TPX2: variants seen among roughly 807,000 people sequenced by gnomAD.
TPX2 encodes the protein TPX2 microtubule nucleation factor.
TPX2 carries 21 observed loss-of-function variants against 93.6 expected under a neutral mutation model. The ratio of observed to expected loss-of-function variants is 0.22; its 90% CI spans 0.16 to 0.32. The LOEUF (loss-of-function observed/expected upper bound fraction) is 0.32. TPX2 is among the 10% of genes least tolerant of loss of function. The pLI is 1.00. For synonymous variants in TPX2, 281 were observed against 298.3 expected (o/e 0.94, Z 0.60); for missense variants, 776 against 871.1 (o/e 0.89, Z 1.37).
intron 10 of TPX2, among the ~76,000 whole-genome samples, chr20:31,779,328 A>G (rs2062019912): frequency 6.6e-6 from 1 of 152,204 alleles, no homozygotes; most frequent in South Asian, 2.1e-4. Context: ...CATTTCATTC[A>G]TTCAAGGCTA....
At chr20:31,744,274 T>G (rs948319468) in intron 2 of TPX2, among the ~76,000 whole-genome samples, 3 of 148,350 alleles carry the variant, frequency 2.0e-5, no homozygotes, top group African/African-American at 7.6e-5. Context: ...GCAATTCTCC[T>G]GCCTCAGCCT....
At chr20:31,743,927 G>A (rs1302437688) in intron 2 of TPX2, among the ~76,000 whole-genome samples, 1 of 151,458 alleles carries the variant, frequency 6.6e-6, no homozygotes, top group South Asian at 2.1e-4. Flanking sequence ...CTCCATGTTG[G>A]TCAGGCTGGT....
chr20:31,744,159 C>CTTTTTT (rs11465034), intron 2 of TPX2, among the ~76,000 whole-genome samples: 5 of 112,272 alleles, frequency 4.5e-5, no homozygotes, highest in African/African-American at 7.4e-5. Context: ...ATTTTTTTAA[C>CTTTTTT]TTTTTTTTTT....
intron 3 of TPX2, among the ~76,000 whole-genome samples, chr20:31,759,100 A>G (rs2122985516): frequency 6.6e-6 from 1 of 152,268 alleles, no homozygotes; most frequent in African/African-American, 2.4e-5. Flanking sequence ...CCAAATAAAT[A>G]GTCACATCTT....
chr20:31,788,697 A>T (rs1451561891), intron 12 of TPX2, among the ~76,000 whole-genome samples: 1 of 151,674 alleles, frequency 6.6e-6, no homozygotes, highest in Non-Finnish European at 1.5e-5. Flanking sequence ...TGAGAAAAGG[A>T]CTCCTGGGGC....
At chr20:31,755,034 C>T (rs1425254863) in intron 2 of TPX2, among the ~76,000 whole-genome samples, 2 of 152,138 alleles carry the variant, frequency 1.3e-5, no homozygotes, top group Admixed American at 6.5e-5. Context: ...CTGCAACCTC[C>T]GCTGCCTGCG....
At chr20:31,792,642 C>A in intron 12 of TPX2, 93 bp from the exon 13 acceptor site, 1 of 1,239,956 alleles carries the variant, frequency 8.1e-7, no homozygotes, top group South Asian at 1.2e-5. Context: ...GAGACCCTGT[C>A]TCTACCCAAA....
At chr20:31,744,653 C>G (rs2061773477) in intron 2 of TPX2, among the ~76,000 whole-genome samples, 1 of 152,110 alleles carries the variant, frequency 6.6e-6, no homozygotes, top group South Asian at 2.1e-4. Flanking sequence ...CTGCCTTAGC[C>G]TCTCGAGTTG....
At chr20:31,761,862 T>A (rs2061893138) in intron 4 of TPX2, among the ~76,000 whole-genome samples, 1 of 152,188 alleles carries the variant, frequency 6.6e-6, no homozygotes, top group South Asian at 2.1e-4. Context: ...ACTAATTGAC[T>A]TTACTACTAA....
chr20:31,775,723 GC>G, intron 7 of TPX2, 143 bp from the exon 8 acceptor site: 1 of 732,856 alleles, frequency 1.4e-6, no homozygotes, highest in Non-Finnish European at 1.9e-6. Context: ...AATTAAGTTA[GC>G]ATCTATTTAT....
intron 8 of TPX2, 122 bp from the exon 9 acceptor site, chr20:31,777,365 G>A (rs2062006951): frequency 5.7e-6 from 7 of 1,220,528 alleles, no homozygotes; most frequent in Non-Finnish European, 7.9e-6. Context: ...TGGGTTACAG[G>A]TAGATAGTAA....
Position 31,778,930 on chromosome 20 carries a change from T to G in TPX2, c.1000T>G (p.Phe334Val), listed in dbSNP as rs2062018201. 1 of 1,610,242 alleles carries G rather than the reference T, an allele frequency of 6.2e-7. No homozygotes were observed. The highest frequency in any genetic ancestry group is 1.1e-5 in the South Asian group (1 of 90,194). Residue 334 changes from phenylalanine (F) to valine (V), a missense_variant, in exon 10 of 18, where the codon TTC (phenylalanine) becomes GTC (valine). Around this residue, in one of 3 missense-constraint regions of TPX2, gnomAD observed 461 missense variants for 551.2 expected, o/e 0.84. Transcript: ENST00000300403. ...YVPLAQQVEDFHKRTPNRYHL... is the reference protein window; with the variant it reads ...YVPLAQQVEDVHKRTPNRYHL... The stretch of plus-strand genomic sequence containing the variant: ...GCCCCTTGCACAGCAAGTTGAAGAC[T>G]TCCATAAACGAACCCCTAACAGATA...
rs56741536 is a variant in TPX2, at chr20:31,761,760, G to C, written c.229+1581G>C. Among the ~76,000 whole-genome samples the C allele has an allele frequency of 7.5e-3, 1,145 of 152,136 alleles. 18 individuals carry two copies. Among genetic ancestry groups the C allele is most frequent in the African/African-American group, 0.026 (1,094 of 41,490 alleles). On this transcript the variant is annotated intron_variant, in intron 4 of 17. Coordinates refer to ENST00000300403, the MANE Select transcript of TPX2 (RefSeq NM_012112.5). ...CGATGTACTGATTTCCTTCTTTTTGGATATATACCCAGTAGGGGGATTGCT... is the reference window on the plus strand; with the variant it reads ...CGATGTACTGATTTCCTTCTTTTTGCATATATACCCAGTAGGGGGATTGCT...
At chr20:31,741,486 A>ATT (rs11429328) in intron 1 of TPX2, among the ~76,000 whole-genome samples, 17 of 144,248 alleles carry the variant, frequency 1.2e-4, no homozygotes, top group Middle Eastern at 3.7e-3. Flanking sequence ...TAATTTTTGT[A>ATT]TTTTTTTTTT....
At chr20:31,788,018 T>C (rs2123073047) in intron 12 of TPX2, among the ~76,000 whole-genome samples, 1 of 152,358 alleles carries the variant, frequency 6.6e-6, no homozygotes, top group South Asian at 2.1e-4. Flanking sequence ...AGTTCCTAGC[T>C]TGACTTTTCT....
intron 3 of TPX2, among the ~76,000 whole-genome samples, chr20:31,759,005 A>G (rs976960055): frequency 6.6e-6 from 1 of 151,592 alleles, no homozygotes; most frequent in Non-Finnish European, 1.5e-5. Context: ...AAACATTTTT[A>G]TTTTTTTTTC....
chr20:31,780,071 G>A (rs1047342450), intron 10 of TPX2, among the ~76,000 whole-genome samples: 8 of 152,116 alleles, frequency 5.3e-5, no homozygotes, highest in Non-Finnish European at 2.9e-5. Flanking sequence ...TTGAGACAGA[G>A]TCTCGTTCTG....
At chr20:31,747,886 C>G (rs4911528) in intron 2 of TPX2, among the ~76,000 whole-genome samples, 13,982 of 151,682 alleles carry the variant, frequency 0.092, 1,089 homozygotes, top group East Asian at 0.38. Context: ...AAACAGCTGC[C>G]TTTGGCTCTG....
intron 5 of TPX2, among the ~76,000 whole-genome samples, chr20:31,768,499 C>A (rs974507044): frequency 6.6e-6 from 1 of 151,744 alleles, no homozygotes; most frequent in Non-Finnish European, 1.5e-5. Context: ...CCCACCGTGG[C>A]CTCCTAAAGT....
Sources: gnomAD v4.1 joint callset for allele counts (sites outside exome capture counted in the v4.1 genomes callset) on GRCh38, gnomAD v4.1.1 for gene constraint, gnomAD v4.1.1 regional missense constraint, MANE v1.5 for transcripts, NCBI Gene and HGNC (gene_info 2026-07-23, HGNC 2026-07-21) for gene names.